GNAL: variants seen among roughly 807,000 people sequenced by gnomAD.
GNAL encodes the protein guanine nucleotide-binding protein G(olf) subunit alpha.
GNAL carries 18 observed loss-of-function variants against 55.1 expected under a neutral mutation model. The ratio of observed to expected loss-of-function variants is 0.33; its 90% CI spans 0.23 to 0.48. The LOEUF (loss-of-function observed/expected upper bound fraction) is 0.48. Ranked by LOEUF, GNAL falls within the 20% of genes least tolerant of loss-of-function variation. The pLI is 0.99. For synonymous variants in GNAL, 253 were observed against 237.0 expected (o/e 1.07, Z -0.62); for missense variants, 412 against 614.1 (o/e 0.67, Z 3.48).
At chr18:11,816,546 G>C (rs985138451) in intron 4 of GNAL, among the ~76,000 whole-genome samples, 1 of 151,942 alleles carries the variant, frequency 6.6e-6, no homozygotes, top group African/African-American at 2.4e-5. Context: ...CACCTGCCTC[G>C]GGCTCCCAAA....
intron 4 of GNAL, among the ~76,000 whole-genome samples, chr18:11,765,490 C>G (rs2033375934): frequency 6.6e-6 from 1 of 152,108 alleles, no homozygotes; most frequent in Non-Finnish European, 1.5e-5. Context: ...CCCCATGGTG[C>G]TCCTCAATAC....
intron 4 of GNAL, among the ~76,000 whole-genome samples, chr18:11,778,728 T>C (rs2033850284): frequency 6.6e-6 from 1 of 152,040 alleles, no homozygotes; most frequent in Non-Finnish European, 1.5e-5. Context: ...AAGAACCCAT[T>C]TTTATCAGTT....
chr18:11,764,022 C>T (rs1227409428), intron 4 of GNAL, among the ~76,000 whole-genome samples: 1 of 152,204 alleles, frequency 6.6e-6, no homozygotes, highest in Non-Finnish European at 1.5e-5. Context: ...GGGTCTGCTT[C>T]TATATAGATG....
rs670115 is a variant in GNAL at position 11,885,292 on chromosome 18, C to T, written c.*4157C>T. On this transcript the variant is annotated 3_prime_UTR_variant, in exon 12 of 12. Coordinates refer to ENST00000334049, the MANE Select transcript of GNAL (RefSeq NM_182978.4). ...ATCTTTTATCAACCTGCAAAAGCTG[C>T]AGCGTTCTCTGCCAGGTCAAATGGG... 0.059 allele frequency: 16,668 copies of T among 280,420 alleles called. 1,157 individuals are homozygous for T. Among genetic ancestry groups the T allele is most frequent in the African/African-American group, 0.18 (7,917 of 44,234 alleles). The allele number at this position is 280,420 out of a possible 1,614,324, so 17.4% of individuals were successfully genotyped here.
chr18:11,742,725 C>T (rs1360285402), intron 1 of GNAL, among the ~76,000 whole-genome samples: 1 of 152,182 alleles, frequency 6.6e-6, no homozygotes, highest in African/African-American at 2.4e-5. Context: ...CCATGTGGTC[C>T]GACCCCACCA....
intron 5 of GNAL, among the ~76,000 whole-genome samples, chr18:11,825,460 A>G (rs1275548181): frequency 6.6e-6 from 1 of 152,112 alleles, no homozygotes; most frequent in Non-Finnish European, 1.5e-5. Flanking sequence ...GCTGGGCCCG[A>G]TGGCTCACAC....
chr18:11,704,808 T>C (rs888973941), intron 1 of GNAL, among the ~76,000 whole-genome samples: 5 of 152,196 alleles, frequency 3.3e-5, no homozygotes, highest in African/African-American at 4.8e-5. Context: ...CAGCTTTTTT[T>C]GAGATATAGT....
intron 1 of GNAL, among the ~76,000 whole-genome samples, chr18:11,692,894 AC>A (rs2031298056): frequency 6.6e-6 from 1 of 152,186 alleles, no homozygotes; most frequent in Non-Finnish European, 1.5e-5. Flanking sequence ...TGACCCACCC[AC>A]GTCAGCATCC....
At position 11,796,248 on chromosome 18, in the gene GNAL, T is replaced by C. The variant is rs148116405; in HGVS notation, c.625-28670T>C. On this transcript the variant is annotated intron_variant, in intron 4 of 11. Transcript: ENST00000334049. ...ACATGCTTGTTATAAGATTTTTTCATTTTTAAGACTGAAAAGTGCAACAAA... is the reference window on the plus strand; with the variant it reads ...ACATGCTTGTTATAAGATTTTTTCACTTTTAAGACTGAAAAGTGCAACAAA... Among the ~76,000 whole-genome samples, 791 of 152,272 alleles carry C rather than the reference T, an allele frequency of 5.2e-3. 6 individuals carry two copies. The highest frequency in any genetic ancestry group is 0.017 in the African/African-American group (715 of 41,550).
intron 10 of GNAL, among the ~76,000 whole-genome samples, chr18:11,875,001 G>A (rs1053588421): frequency 3.3e-5 from 5 of 152,214 alleles, no homozygotes; most frequent in African/African-American, 4.8e-5. Context: ...CTCAGATTTC[G>A]TGGGGTTACA....
At chr18:11,875,419 T>C (rs982370513) in intron 10 of GNAL, among the ~76,000 whole-genome samples, 2 of 152,198 alleles carry the variant, frequency 1.3e-5, no homozygotes, top group African/African-American at 4.8e-5. Context: ...TTTTGTGGAA[T>C]TGTAATCCCC....
intron 5 of GNAL, among the ~76,000 whole-genome samples, chr18:11,854,676 G>A (rs2035962378): frequency 6.6e-6 from 1 of 152,056 alleles, no homozygotes; most frequent in African/African-American, 2.4e-5. Flanking sequence ...AGCTACTCAG[G>A]AGGCTGAGGC....
intron 1 of GNAL, among the ~76,000 whole-genome samples, chr18:11,690,820 T>C (rs1016228930): frequency 7.2e-5 from 11 of 151,950 alleles, no homozygotes; most frequent in African/African-American, 2.4e-4. Context: ...TAGTATTCCA[T>C]GGTGTATATG....
chr18:11,881,129 C>G lies in GNAL; in HGVS notation c.1371C>G (p.Leu457=). ...GGATGCACCTCAAGCAGTATGAGCTCTTGTGAGGATGCTGCCGCCACCCTG... is the reference window on the plus strand; with the variant it reads ...GGATGCACCTCAAGCAGTATGAGCTGTTGTGAGGATGCTGCCGCCACCCTG... ...IQRMHLKQYE[L]L is the part of the protein sequence containing the mutation. Residue 457 remains leucine, a synonymous_variant, in exon 12 of 12, where the codon CTC becomes CTG. Transcript: ENST00000334049. This position sits in a 1 kb window ranked among gnomAD's most constrained non-coding sequence, Gnocchi z 4.8. The G allele has an allele frequency of 6.2e-7, 1 of 1,607,568 alleles. No individual in the cohort carries two copies. Among genetic ancestry groups the G allele is most frequent in the South Asian group, 1.1e-5 (1 of 90,196 alleles).
chr18:11,694,585 G>T (rs948319948), intron 1 of GNAL, among the ~76,000 whole-genome samples: 1 of 152,202 alleles, frequency 6.6e-6, no homozygotes, highest in African/African-American at 2.4e-5. Context: ...GAATCATGGG[G>T]TCCAAACTAG....
chr18:11,690,728 C>T (rs997666473), intron 1 of GNAL, among the ~76,000 whole-genome samples: 7 of 150,628 alleles, frequency 4.6e-5, no homozygotes, highest in Middle Eastern at 3.4e-3. Context: ...TTTGTTCTTC[C>T]GATAGTTTAC....
intron 5 of GNAL, chr18:11,851,771 A>T (rs372085953): frequency 6.2e-7 from 1 of 1,614,006 alleles, no homozygotes. Context: ...ACGATGGGCA[A>T]GGTGACCAAG....
At chr18:11,787,817 T>C (rs1490564322) in intron 4 of GNAL, among the ~76,000 whole-genome samples, 4 of 148,684 alleles carry the variant, frequency 2.7e-5, no homozygotes, top group African/African-American at 5.0e-5. Context: ...GAGCTTGCAG[T>C]GAGCCAAGAT....
chr18:11,880,371 C>T (rs1009836163), intron 11 of GNAL, among the ~76,000 whole-genome samples: 2 of 151,796 alleles, frequency 1.3e-5, no homozygotes, highest in African/African-American at 2.4e-5. Context: ...GAGTTTGAGA[C>T]CAGCCTGGCC....
Sources: gnomAD v4.1 joint callset for allele counts (sites outside exome capture counted in the v4.1 genomes callset) on GRCh38, gnomAD v4.1.1 for gene constraint, Gnocchi (gnomAD v3.1) non-coding constraint, MANE v1.5 for transcripts, NCBI Gene and HGNC (gene_info 2026-07-23, HGNC 2026-07-21) for gene names.